Variants in DCAF10 observed in about 807,000 individuals in gnomAD.
DCAF10 encodes DDB1 and CUL4 associated factor 10, also known as DDB1- and CUL4-associated factor 10.
Under a neutral mutation model 51.9 loss-of-function variants are expected in DCAF10, and 19 were observed. The ratio of observed to expected loss-of-function variants is 0.37; its 90% CI spans 0.26 to 0.54. The LOEUF (loss-of-function observed/expected upper bound fraction) is 0.54. DCAF10 is among the 20% of genes least tolerant of loss of function. The pLI is 0.87. For synonymous variants in DCAF10, 291 were observed against 297.1 expected, an observed-to-expected ratio of 0.98 and a Z score of 0.21; for missense variants, 510 against 730.6, an observed-to-expected ratio of 0.70 and a Z score of 3.48.
chr9:37,834,934 T>G (rs951311014), intron 2 of DCAF10, among the ~76,000 whole-genome samples: 7 of 151,840 alleles, frequency 4.6e-5, no homozygotes, highest in African/African-American at 1.5e-4. Flanking sequence ...GACTACAGGC[T>G]CGTGCCACAC....
chr9:37,822,140 G>C (rs990380522), intron 2 of DCAF10, among the ~76,000 whole-genome samples: 2 of 152,084 alleles, frequency 1.3e-5, no homozygotes, highest in Admixed American at 1.3e-4. Context: ...TGGATGTGGT[G>C]ATCAGGAACA....
chr9:37,821,698 G>C (rs1291078388), intron 2 of DCAF10, among the ~76,000 whole-genome samples: 1 of 152,176 alleles, frequency 6.6e-6, no homozygotes, highest in East Asian at 1.9e-4. Flanking sequence ...CTAGACATTG[G>C]CTTAGGCAAG....
At chr9:37,833,585 G>A (rs1054368849) in intron 2 of DCAF10, among the ~76,000 whole-genome samples, 1 of 151,982 alleles carries the variant, frequency 6.6e-6, no homozygotes. Context: ...CATATCATCT[G>A]ACAATGAAGA....
intron 2 of DCAF10, among the ~76,000 whole-genome samples, chr9:37,824,142 A>G (rs1376763902): frequency 2.6e-5 from 4 of 152,050 alleles, no homozygotes; most frequent in Non-Finnish European, 4.4e-5. Context: ...CAGCCTCCCA[A>G]TGTGCTGGGA....
intron 3 of DCAF10, among the ~76,000 whole-genome samples, chr9:37,847,025 G>A (rs1284266825): frequency 6.6e-6 from 1 of 151,624 alleles, no homozygotes; most frequent in African/African-American, 2.4e-5. Flanking sequence ...AGGCCAAGGC[G>A]GGTGGATCAC....
Position 37,861,093 on chromosome 9 carries a change from C to T in DCAF10, c.1312-47C>T, listed in dbSNP as rs202210611. ...TTAAAAATAAGGAATATCTGTAGCA[C>T]TATTTGGGCTCTGTAACCTTGGTTT... On this transcript the variant is annotated intron_variant, in intron 6 of 6. Coordinates refer to ENST00000377724, the MANE Select transcript of DCAF10 (RefSeq NM_024345.5). This position sits in a 1 kb window ranked among gnomAD's most constrained non-coding sequence, Gnocchi z 4.9. 1 of 1,561,398 alleles carries T rather than the reference C, an allele frequency of 6.4e-7. No homozygotes were observed. The highest frequency in any genetic ancestry group is 8.7e-7 in the Non-Finnish European group (1 of 1,151,460).
In DCAF10 at chr9:37,850,826, TTATATATATATATATATATATATATATA is replaced by T. The variant is rs71494679; in HGVS notation, c.852-3925_852-3898del. On this transcript the variant is annotated intron_variant, in intron 3 of 6. Transcript: ENST00000377724. ...AATGCTAAGTATGTGAGGATATATT[TTATATATATATATATATATATATATATA>T]TATATATATATATATATATATATAT... 2.6e-3 allele frequency among the ~76,000 whole-genome samples: 119 copies of T among 45,876 alleles called. 5 individuals are homozygous for T. The highest frequency in any genetic ancestry group is 7.2e-3 in the South Asian group (8 of 1,104). The allele number at this position is 45,876 out of a possible 152,430, so 30.1% of individuals were successfully genotyped here. A position where few individuals can be genotyped will look rare whatever the true frequency, so the allele number is the denominator to read the frequency against.
intron 3 of DCAF10, among the ~76,000 whole-genome samples, chr9:37,853,346 G>A (rs1178302367): frequency 6.8e-6 from 1 of 147,884 alleles, no homozygotes; most frequent in Admixed American, 6.8e-5. Context: ...CCGAGAGGCA[G>A]AGGTTGCAGC....
chr9:37,819,113 A>G (rs1019267242), intron 1 of DCAF10, among the ~76,000 whole-genome samples, 175 bp from the exon 2 acceptor site: 1 of 152,126 alleles, frequency 6.6e-6, no homozygotes, highest in African/African-American at 2.4e-5. Context: ...TGAGAGTACC[A>G]TTTCCTACTA....
At chr9:37,857,198 G>T in intron 4 of DCAF10, 43 bp from the exon 5 acceptor site, 1 of 1,455,706 alleles carries the variant, frequency 6.9e-7, no homozygotes, top group South Asian at 1.3e-5. Context: ...GCCACTACCA[G>T]AGTTATGCTA....
intron 5 of DCAF10, among the ~76,000 whole-genome samples, chr9:37,859,358 G>A (rs1341527334): frequency 1.3e-5 from 2 of 152,076 alleles, no homozygotes; most frequent in African/African-American, 2.4e-5. Context: ...GGTTTTTCAC[G>A]CACCTGAAGG....
chr9:37,854,384 A>G (rs1329589950), intron 3 of DCAF10, among the ~76,000 whole-genome samples: 1 of 152,218 alleles, frequency 6.6e-6, no homozygotes, highest in Non-Finnish European at 1.5e-5. Context: ...CTGGGGTTAC[A>G]GGCATGAGCC....
chr9:37,839,909 T>G (rs1830282169), intron 2 of DCAF10, among the ~76,000 whole-genome samples: 1 of 152,226 alleles, frequency 6.6e-6, no homozygotes, highest in Admixed American at 6.5e-5. Context: ...TGGCACCATG[T>G]GTATTGTATA....
intron 2 of DCAF10, among the ~76,000 whole-genome samples, chr9:37,821,090 CAT>C (rs144524647): frequency 0.35 from 52,444 of 150,326 alleles, 9,374 homozygotes; most frequent in Non-Finnish European, 0.39. Flanking sequence ...CATATACAAA[CAT>C]ATATATATAT....
intron 1 of DCAF10, among the ~76,000 whole-genome samples, chr9:37,814,080 CTATATA>C (rs58660288): frequency 0.074 from 3,453 of 46,698 alleles, 214 homozygotes; most frequent in Non-Finnish European, 0.1. Context: ...CTATTTGTCA[CTATATA>C]TATATATATA....
intron 2 of DCAF10, among the ~76,000 whole-genome samples, chr9:37,830,771 T>G (rs1167796077): frequency 6.6e-6 from 1 of 152,262 alleles, no homozygotes; most frequent in Non-Finnish European, 1.5e-5. Context: ...AACCTTTGGC[T>G]AATCCGCTAT....
intron 2 of DCAF10, among the ~76,000 whole-genome samples, chr9:37,822,422 T>TATATATATATATATAG (rs1829733023): frequency 1.3e-5 from 1 of 78,924 alleles, no homozygotes; most frequent in Non-Finnish European, 2.8e-5. Context: ...TATATATATA[T>TATATATATATATATAG]ATATATATAT....
intron 2 of DCAF10, among the ~76,000 whole-genome samples, chr9:37,831,101 C>T (rs576409800): frequency 6.2e-4 from 94 of 152,230 alleles, no homozygotes; most frequent in African/African-American, 2.1e-3. Context: ...CACACGCCTG[C>T]AGTCCCAGCT....
At chr9:37,848,723 G>A (rs1022595886) in intron 3 of DCAF10, among the ~76,000 whole-genome samples, 2 of 147,496 alleles carry the variant, frequency 1.4e-5, no homozygotes, top group African/African-American at 2.6e-5. Flanking sequence ...TGTAATCCCA[G>A]CACTTTGGGA....
Sources: gnomAD v4.1 joint callset for allele counts (sites outside exome capture counted in the v4.1 genomes callset) on GRCh38, gnomAD v4.1.1 for gene constraint, Gnocchi (gnomAD v3.1) non-coding constraint, MANE v1.5 for transcripts, NCBI Gene and HGNC (gene_info 2026-07-23, HGNC 2026-07-21) for gene names.